PDZD2: variants seen among roughly 807,000 people sequenced by gnomAD.
PDZD2 encodes PDZ domain-containing protein 2.
A neutral mutation model predicts 220.7 loss-of-function variants in PDZD2; 90 were observed. That is an observed-to-expected ratio of 0.41 (90% CI 0.34 to 0.49). PDZD2 has a LOEUF of 0.49. PDZD2 is among the 20% of genes least tolerant of loss of function. The pLI is 0.28. For synonymous variants in PDZD2, 1,375 were observed against 1,450.5 expected, an observed-to-expected ratio of 0.95 and a Z score of 1.18; for missense variants, 3,174 against 3,608.5, an observed-to-expected ratio of 0.88 and a Z score of 3.08.
intron 1 of PDZD2, among the ~76,000 whole-genome samples, chr5:31,682,571 G>A: frequency 6.6e-6 from 1 of 152,176 alleles, no homozygotes; most frequent in Admixed American, 6.5e-5. Flanking sequence ...GTGAAAATAA[G>A]CACTAATCCC....
chr5:31,699,228 G>A (rs1349366063), intron 1 of PDZD2, among the ~76,000 whole-genome samples: 3 of 152,042 alleles, frequency 2.0e-5, no homozygotes, highest in Admixed American at 6.6e-5. Flanking sequence ...CTGGGGCAGG[G>A]AAAAAGAGGA....
At chr5:32,106,405 T>C (rs1463144390) in intron 24 of PDZD2, 1 of 152,330 alleles carries the variant, frequency 6.6e-6, no homozygotes, top group African/African-American at 2.4e-5. Flanking sequence ...GCTCACCTGC[T>C]GTGCAGCCCT....
intron 2 of PDZD2, among the ~76,000 whole-genome samples, chr5:31,936,545 G>GT (rs1179710753): frequency 6.6e-6 from 1 of 150,484 alleles, no homozygotes; most frequent in African/African-American, 2.4e-5. Flanking sequence ...CCAAATGACA[G>GT]TTTTATTCTG....
intron 2 of PDZD2, chr5:31,923,544 T>C (rs1744474624): frequency 2.2e-6 from 2 of 891,532 alleles, no homozygotes; most frequent in Non-Finnish European, 3.7e-6. Flanking sequence ...AAGGATTATT[T>C]GGTCTTCTGG....
chr5:31,822,934 G>T, intron 2 of PDZD2: 1 of 975,590 alleles, frequency 1.0e-6, no homozygotes. Context: ...CTGAACGGTG[G>T]CCAGCTCCTT....
chr5:31,785,670 G>A (rs1001586698), intron 1 of PDZD2, among the ~76,000 whole-genome samples: 1 of 151,780 alleles, frequency 6.6e-6, no homozygotes, highest in Non-Finnish European at 1.5e-5. Flanking sequence ...TGAATTCCTG[G>A]GCTCAAGTGA....
chr5:32,037,380 T>TCCTA, intron 7 of PDZD2, 38 bp downstream of exon 7: 1 of 1,187,840 alleles, frequency 8.4e-7, no homozygotes, highest in Non-Finnish European at 1.3e-6. Flanking sequence ...CTGTCTAGGA[T>TCCTA]GAGTTTTCAG....
intron 24 of PDZD2, chr5:32,104,056 C>A (rs769536075): frequency 3.9e-5 from 6 of 152,186 alleles, no homozygotes; most frequent in Non-Finnish European, 8.8e-5. Flanking sequence ...GAAAGCCATT[C>A]AAGTATTTCT....
intron 1 of PDZD2, among the ~76,000 whole-genome samples, chr5:31,737,165 T>TTC: frequency 1.4e-5 from 2 of 138,444 alleles, no homozygotes; most frequent in South Asian, 4.5e-4. Context: ...AGCAGTCTAC[T>TTC]TCTTTTTTTT....
chr5:31,846,525 C>G (rs1757596734), intron 2 of PDZD2, among the ~76,000 whole-genome samples: 1 of 152,220 alleles, frequency 6.6e-6, no homozygotes, highest in African/African-American at 2.4e-5. Context: ...ACTCATCCAT[C>G]CATTCAATCA....
At position 32,089,267 on chromosome 5, in the gene PDZD2, A is replaced by G. The variant is rs143867656; in HGVS notation, c.5819A>G (p.His1940Arg). The change falls in exon 20 of 25, where the codon CAC (histidine) becomes CGC (arginine). Residue 1940 changes from histidine (H) to arginine (R), a missense_variant. His to Arg is a conservative substitution (Grantham distance 29). Coordinates refer to ENST00000438447, the MANE Select transcript of PDZD2 (RefSeq NM_178140.4). ...AVSQRLHVAD[H>R]EDPDRNTTAA... ...TCACAGCGGCTCCATGTAGCCGACC[A>G]CGAGGACCCTGACAGAAACACCACA... 7 of 1,614,158 alleles carry G rather than the reference A, an allele frequency of 4.3e-6. No homozygotes were observed. The highest frequency in any genetic ancestry group is 5.1e-6 in the Non-Finnish European group (6 of 1,180,014).
At chr5:31,920,486 C>T (rs1026390750) in intron 2 of PDZD2, among the ~76,000 whole-genome samples, 7 of 131,574 alleles carry the variant, frequency 5.3e-5, no homozygotes, top group Admixed American at 8.3e-5. Context: ...CATTAGGGTT[C>T]GCTCTTGGTG....
chr5:31,840,144 C>A (rs143203304), intron 2 of PDZD2, among the ~76,000 whole-genome samples: 46 of 152,018 alleles, frequency 3.0e-4, no homozygotes, highest in African/African-American at 1.0e-3. Flanking sequence ...GTGAGGATCA[C>A]CTGAGCCCAG....
rs557551521 is a variant in PDZD2 at position 31,840,860 on chromosome 5, A to G, written c.476+41136A>G. 1.3e-5 allele frequency: 9 copies of G among 711,798 alleles called. No homozygotes were observed. The African/African-American group carries it at 1.4e-4, about 11-fold the overall frequency. The allele number at this position is 711,798 out of a possible 1,614,324, so 44.1% of individuals were successfully genotyped here. A position where few individuals can be genotyped will look rare whatever the true frequency, so the allele number is the denominator to read the frequency against. On this transcript the variant is annotated intron_variant, in intron 2 of 24. Transcript: ENST00000438447. Reference sequence around the variant, plus strand: ...TACCCATTCCCTTGATGTCTACAATATCACCTTTCTTATAGATTCACATAT... The same window carrying G: ...TACCCATTCCCTTGATGTCTACAATGTCACCTTTCTTATAGATTCACATAT...
intron 1 of PDZD2, among the ~76,000 whole-genome samples, chr5:31,772,086 A>G (rs1403529387): frequency 6.6e-6 from 1 of 152,146 alleles, no homozygotes; most frequent in Non-Finnish European, 1.5e-5. Flanking sequence ...TCTTCAAACA[A>G]TCAGTATGTC....
chr5:31,725,595 T>C (rs1749075785), intron 1 of PDZD2: 2 of 1,490,794 alleles, frequency 1.3e-6, no homozygotes, highest in Non-Finnish European at 1.9e-6. Flanking sequence ...ACCTAGACTA[T>C]GATCTTGACT....
chr5:32,048,862 A>AG (rs1276318586), intron 8 of PDZD2, among the ~76,000 whole-genome samples, 178 bp downstream of exon 8: 1 of 152,290 alleles, frequency 6.6e-6, no homozygotes, highest in East Asian at 1.9e-4. Flanking sequence ...ACTTGAAAAT[A>AG]GTGGGGGGAA....
Position 31,766,776 on chromosome 5 carries a change from G to C in PDZD2, c.-360-32113G>C, listed in dbSNP as rs1752046629. Among the ~76,000 whole-genome samples the C allele has an allele frequency of 2.0e-5, 3 of 151,116 alleles. No homozygotes were observed. The South Asian group carries it at 6.3e-4, about 32-fold the overall frequency. On this transcript the variant is annotated intron_variant, in intron 1 of 24. Coordinates refer to ENST00000438447, the MANE Select transcript of PDZD2 (RefSeq NM_178140.4). ...ACAGAGTTTCGCTCTTGTCTCCCAG[G>C]CTGGAGTGCAATGGCGCATCTCAGC...
chr5:31,737,415 G>T (rs56133846), intron 1 of PDZD2, among the ~76,000 whole-genome samples: 2 of 151,792 alleles, frequency 1.3e-5, no homozygotes, highest in African/African-American at 4.8e-5. Flanking sequence ...CTCGTGATCC[G>T]CCCGCCTTGG....
Sources: allele counts gnomAD v4.1 joint callset (sites outside exome capture counted in the v4.1 genomes callset), GRCh38; gene constraint gnomAD v4.1.1; transcripts MANE v1.5; gene names NCBI Gene and HGNC (gene_info 2026-07-23, HGNC 2026-07-21).